The following CCSER1 variants were observed in gnomAD, a reference collection of about 807,000 sequenced individuals.
CCSER1 encodes serine-rich coiled-coil domain-containing protein 1.
A neutral mutation model predicts 82.0 loss-of-function variants in CCSER1; 41 were observed. That is an observed-to-expected ratio of 0.50 (90% CI 0.39 to 0.65). The LOEUF is 0.65. Among genes scored for constraint, CCSER1 ranks in the 30% least tolerant of loss-of-function variants. The pLI is 0.00. For missense variants in CCSER1, 1,119 were observed against 1,064.2 expected, an observed-to-expected ratio of 1.05 and a Z score of -0.72; for synonymous variants, 414 against 383.9, an observed-to-expected ratio of 1.08 and a Z score of -0.92.
intron 9 of CCSER1, among the ~76,000 whole-genome samples, chr4:91,071,942 A>G (rs1160738904): frequency 1.3e-5 from 2 of 152,138 alleles, no homozygotes; most frequent in South Asian, 2.1e-4. Context: ...TAGATTACCA[A>G]TCAGAATTGT....
At chr4:90,284,319 CT>C (rs1729436609) in intron 1 of CCSER1, among the ~76,000 whole-genome samples, 1 of 152,004 alleles carries the variant, frequency 6.6e-6, no homozygotes, top group African/African-American at 2.4e-5. Context: ...CACAAGCAAG[CT>C]TTTTTAGTTG....
intron 9 of CCSER1, among the ~76,000 whole-genome samples, chr4:90,962,144 A>C (rs1431557957): frequency 6.6e-6 from 1 of 152,132 alleles, no homozygotes; most frequent in Non-Finnish European, 1.5e-5. Context: ...ACATGTTAAT[A>C]GTGGATCCAA....
intron 10 of CCSER1, among the ~76,000 whole-genome samples, chr4:91,547,969 G>T (rs559409808): frequency 6.6e-6 from 1 of 152,138 alleles, no homozygotes; most frequent in African/African-American, 2.4e-5. Flanking sequence ...TTTTAGTAGA[G>T]ATGGGGTTTC....
chr4:90,532,852 T>A (rs1044838220), intron 5 of CCSER1, among the ~76,000 whole-genome samples: 6 of 152,270 alleles, frequency 3.9e-5, no homozygotes, highest in African/African-American at 1.2e-4. Context: ...CTCCTCTACT[T>A]CTCCCAAGTA....
intron 5 of CCSER1, among the ~76,000 whole-genome samples, chr4:90,544,946 T>A (rs997622038): frequency 1.3e-5 from 2 of 152,156 alleles, no homozygotes; most frequent in Non-Finnish European, 2.9e-5. Context: ...TTTCCAGAGC[T>A]TTCTGCTTAT....
At chr4:90,749,574 C>T (rs973240911) in intron 7 of CCSER1, among the ~76,000 whole-genome samples, 3 of 151,936 alleles carry the variant, frequency 2.0e-5, no homozygotes, top group African/African-American at 7.3e-5. Flanking sequence ...ATTCTGTGAA[C>T]AAAGTCATTG....
intron 10 of CCSER1, among the ~76,000 whole-genome samples, chr4:91,563,259 A>G (rs1252231135): frequency 1.3e-5 from 2 of 151,742 alleles, no homozygotes; most frequent in Non-Finnish European, 3.0e-5. Flanking sequence ...GATAAAATAG[A>G]TGCAAGTATT....
chr4:90,315,285 C>T (rs1735982788), intron 3 of CCSER1, among the ~76,000 whole-genome samples: 1 of 152,106 alleles, frequency 6.6e-6, no homozygotes, highest in Admixed American at 6.5e-5. Flanking sequence ...ACACCACTGC[C>T]GTGGTGGTGG....
At chr4:90,935,036 A>ATG (rs1309339163) in intron 9 of CCSER1, among the ~76,000 whole-genome samples, 1 of 151,898 alleles carries the variant, frequency 6.6e-6, no homozygotes, top group Non-Finnish European at 1.5e-5. Context: ...ATATGTATAT[A>ATG]TGTGTGTGTG....
At chr4:91,429,748 G>A (rs918559793) in intron 10 of CCSER1, among the ~76,000 whole-genome samples, 1 of 151,668 alleles carries the variant, frequency 6.6e-6, no homozygotes, top group Non-Finnish European at 1.5e-5. Context: ...TCAAGCATAA[G>A]AATTTTATTA....
chr4:90,491,031 A>T (rs1323928957), intron 5 of CCSER1, among the ~76,000 whole-genome samples: 2 of 152,170 alleles, frequency 1.3e-5, no homozygotes, highest in African/African-American at 4.8e-5. Flanking sequence ...TAGGAACTTT[A>T]AAGTAGTTTT....
intron 1 of CCSER1, among the ~76,000 whole-genome samples, chr4:90,187,067 G>A (rs1425229165): frequency 2.6e-5 from 4 of 151,694 alleles, no homozygotes; most frequent in Admixed American, 1.3e-4. Context: ...GCACCTCCTG[G>A]GTAAAATGTT....
chr4:90,152,622 A>G (rs908945600), intron 1 of CCSER1, among the ~76,000 whole-genome samples: 2 of 152,134 alleles, frequency 1.3e-5, no homozygotes, highest in Non-Finnish European at 2.9e-5. Flanking sequence ...GAACATGTGA[A>G]GGAAGGAAAA....
intron 10 of CCSER1, among the ~76,000 whole-genome samples, chr4:91,216,352 C>G (rs111736724): frequency 0.058 from 8,814 of 152,240 alleles, 493 homozygotes; most frequent in African/African-American, 0.15. Flanking sequence ...CAGAGTCTCG[C>G]TCTGTCGCCC....
intron 8 of CCSER1, among the ~76,000 whole-genome samples, chr4:90,845,852 A>G (rs927751504): frequency 3.3e-5 from 5 of 151,812 alleles, no homozygotes; most frequent in African/African-American, 1.2e-4. Context: ...GTTAATTGTA[A>G]ACTTGAAGTG....
In CCSER1 at chr4:91,542,453, CT is replaced by C. The variant is rs1432369683; in HGVS notation, c.2218-56118del. Among the ~76,000 whole-genome samples the C allele has an allele frequency of 3.9e-5, 6 of 152,130 alleles. No individual in the cohort carries two copies. The East Asian group carries it at 1.2e-3, about 29-fold the overall frequency. On this transcript the variant is annotated intron_variant, in intron 10 of 10. Coordinates refer to ENST00000509176, the MANE Select transcript of CCSER1 (RefSeq NM_001145065.2). ...GTTTCAGCTTTCTACATATGGCTAGCTCATTTTCCCAGCACCATTTATTAAA... is the reference window on the plus strand; with the variant it reads ...GTTTCAGCTTTCTACATATGGCTAGCCATTTTCCCAGCACCATTTATTAAA...
At chr4:91,343,705 T>G (rs1419003083) in intron 10 of CCSER1, among the ~76,000 whole-genome samples, 1 of 152,148 alleles carries the variant, frequency 6.6e-6, no homozygotes, top group Non-Finnish European at 1.5e-5. Context: ...CTTTAACACC[T>G]TAATATATTC....
At chr4:90,649,693 T>G (rs988836935) in intron 6 of CCSER1, 2 of 152,202 alleles carry the variant, frequency 1.3e-5, no homozygotes, top group Non-Finnish European at 2.9e-5. Flanking sequence ...CCCAAACATA[T>G]TAAGACAAAG....
chr4:91,509,936 C>T (rs536028648), intron 10 of CCSER1, among the ~76,000 whole-genome samples: 3 of 152,096 alleles, frequency 2.0e-5, no homozygotes, highest in South Asian at 2.1e-4. Context: ...GTTTGGGGTA[C>T]GATTGATCCT....
Sources: allele counts gnomAD v4.1 joint callset (sites outside exome capture counted in the v4.1 genomes callset), GRCh38; gene constraint gnomAD v4.1.1; transcripts MANE v1.5; gene names NCBI Gene and HGNC (gene_info 2026-07-23, HGNC 2026-07-21).